The following CLVS2 variants were observed in gnomAD, a reference collection of about 807,000 sequenced individuals.
The protein encoded by CLVS2 is clavesin-2.
A neutral mutation model predicts 29.0 loss-of-function variants in CLVS2; 19 were observed. That is an observed-to-expected ratio of 0.66 (90% CI 0.46 to 0.96). The LOEUF (loss-of-function observed/expected upper bound fraction) is 0.96. Among genes scored for constraint, CLVS2 ranks in the 40% least tolerant of loss-of-function variants. The pLI, the probability that CLVS2 is intolerant of heterozygous loss-of-function variation, is 0.00. For synonymous variants in CLVS2, 161 were observed against 151.3 expected (o/e 1.06, Z -0.47); for missense variants, 294 against 404.1 (o/e 0.73, Z 2.34).
rs1439509027 is a variant in CLVS2 at position 123,066,608 on chromosome 6, G to T, written c.*2847G>T. 6.6e-6 allele frequency: 1 copy of T among 151,624 alleles called. No homozygotes were observed. Among genetic ancestry groups the T allele is most frequent in the East Asian group, 1.9e-4 (1 of 5,186 alleles). 9.4% of individuals were successfully genotyped at this position (151,624 alleles called of 1,614,324 possible). The stretch of plus-strand genomic sequence containing the variant: ...TATTTCAGGGGCAGGTGATTCCAAA[G>T]CTGGTTTAAAAATAAATAACTTCTC... On this transcript the variant is annotated 3_prime_UTR_variant, in exon 6 of 6. Transcript: ENST00000275162.
At chr6:123,021,479 C>T (rs890414749) in intron 3 of CLVS2, among the ~76,000 whole-genome samples, 1 of 151,870 alleles carries the variant, frequency 6.6e-6, no homozygotes, top group Non-Finnish European at 1.5e-5. Context: ...GTTTCTATAG[C>T]ATGGATTTTG....
intron 3 of CLVS2, 69 bp downstream of exon 3, chr6:123,011,228 T>A: frequency 8.4e-7 from 1 of 1,193,232 alleles, no homozygotes; most frequent in Non-Finnish European, 1.1e-6. Flanking sequence ...TGTGTTAGAA[T>A]GAAAAAATGT....
chr6:123,005,395 A>C (rs1774652888), intron 2 of CLVS2, among the ~76,000 whole-genome samples: 1 of 152,074 alleles, frequency 6.6e-6, no homozygotes, highest in Admixed American at 6.5e-5. Context: ...TTCAGACATT[A>C]GAAAATGTGG....
At chr6:123,033,775 A>G (rs558953373) in intron 3 of CLVS2, among the ~76,000 whole-genome samples, 1 of 152,244 alleles carries the variant, frequency 6.6e-6, no homozygotes, top group East Asian at 1.9e-4. Flanking sequence ...GGATGAAAAG[A>G]TAAGCCACCG....
intron 5 of CLVS2, among the ~76,000 whole-genome samples, chr6:123,058,898 T>A (rs543057271): frequency 6.6e-6 from 1 of 152,282 alleles, no homozygotes; most frequent in South Asian, 2.1e-4. Context: ...CCTCAAGTGA[T>A]CCACCTGCCT....
chr6:123,043,273 T>A (rs927616721), intron 3 of CLVS2, among the ~76,000 whole-genome samples: 4 of 152,226 alleles, frequency 2.6e-5, no homozygotes, highest in Non-Finnish European at 5.9e-5. Flanking sequence ...ATGAATGATT[T>A]TTTTAAATTA....
chr6:123,022,745 G>A (rs1200153110), intron 3 of CLVS2, among the ~76,000 whole-genome samples: 1 of 151,960 alleles, frequency 6.6e-6, no homozygotes, highest in Non-Finnish European at 1.5e-5. Flanking sequence ...ATTTGTAGCT[G>A]GATAGTGATG....
chr6:123,049,958 G>T (rs565944802), intron 4 of CLVS2, among the ~76,000 whole-genome samples: 2 of 152,186 alleles, frequency 1.3e-5, no homozygotes, highest in East Asian at 3.9e-4. Flanking sequence ...TTTTAAAAAA[G>T]TGCAATAATT....
Position 123,007,936 on chromosome 6 carries a change from TA to T in CLVS2, c.390-3048del, listed in dbSNP as rs555964498. Among the ~76,000 whole-genome samples, 605 of 152,280 alleles carry T rather than the reference TA, an allele frequency of 4.0e-3. 3 individuals are homozygous for T. The highest frequency in any genetic ancestry group is 6.2e-3 in the Non-Finnish European group (423 of 68,020). ...TTGTAGTGACCTCTAATTTGTAAATTATAACAGTTAAAATAATTTTAAAAAG... is the reference window on the plus strand; with the variant it reads ...TTGTAGTGACCTCTAATTTGTAAATTTAACAGTTAAAATAATTTTAAAAAG... On this transcript the variant is annotated intron_variant, in intron 2 of 5. Coordinates refer to ENST00000275162, the MANE Select transcript of CLVS2 (RefSeq NM_001010852.4).
In CLVS2 at chr6:123,063,785, G is replaced by A; in HGVS notation, c.*24G>A. On this transcript the variant is annotated 3_prime_UTR_variant, in exon 6 of 6. Coordinates refer to ENST00000275162, the MANE Select transcript of CLVS2 (RefSeq NM_001010852.4). ...AATAACTTCTCTACATCCCCTTCAT[G>A]GATTAGAAATGGAAAGTATTGGTTT... 1 of 1,491,324 alleles carries A rather than the reference G, an allele frequency of 6.7e-7. No homozygotes were observed. Among genetic ancestry groups the A allele is most frequent in the Non-Finnish European group, 9.3e-7 (1 of 1,069,682 alleles). The allele number at this position is 1,491,324 out of a possible 1,614,324, so 92.4% of individuals were successfully genotyped here.
Position 123,033,511 on chromosome 6 carries a change from C to T in CLVS2, c.565-15111C>T, listed in dbSNP as rs1413267596. On this transcript the variant is annotated intron_variant, in intron 3 of 5. Coordinates refer to ENST00000275162, the MANE Select transcript of CLVS2 (RefSeq NM_001010852.4). ...CTGGAAGTAATTGGAAAAGCACAGG[C>T]AAATGAAACAAAAGAACCTCAACTT... Among the ~76,000 whole-genome samples, 3 of 151,978 alleles carry T rather than the reference C, an allele frequency of 2.0e-5. No individual in the cohort carries two copies. The East Asian group carries it at 5.8e-4, about 29-fold the overall frequency.
intron 3 of CLVS2, among the ~76,000 whole-genome samples, chr6:123,043,719 C>G (rs892497869): frequency 1.3e-5 from 2 of 152,038 alleles, no homozygotes; most frequent in African/African-American, 4.8e-5. Context: ...TCATTTGGAG[C>G]CATAAACTGT....
At chr6:123,021,616 T>C (rs1349396799) in intron 3 of CLVS2, among the ~76,000 whole-genome samples, 2 of 152,094 alleles carry the variant, frequency 1.3e-5, no homozygotes, top group Admixed American at 1.3e-4. Flanking sequence ...TAAGTAATAA[T>C]GCAAAGAGAT....
intron 2 of CLVS2, 60 bp from the exon 3 acceptor site, chr6:123,010,925 T>G: frequency 2.6e-6 from 3 of 1,142,282 alleles, no homozygotes; most frequent in Non-Finnish European, 3.5e-6. Flanking sequence ...AGAAAATATT[T>G]TATAGCTTTT....
chr6:123,011,259 A>G (rs1427018112), intron 3 of CLVS2, 100 bp downstream of exon 3: 7 of 877,722 alleles, frequency 8.0e-6, no homozygotes, highest in Middle Eastern at 2.5e-4. Context: ...GAATAACAAA[A>G]ACAAAAAAAA....
intron 2 of CLVS2, among the ~76,000 whole-genome samples, chr6:123,009,411 A>T (rs1457205381): frequency 2.6e-5 from 4 of 152,116 alleles, no homozygotes; most frequent in African/African-American, 9.7e-5. Flanking sequence ...AGGTGAAGAA[A>T]TGAGGTCCTG....
At chr6:123,001,702 A>C (rs1331194072) in intron 2 of CLVS2, among the ~76,000 whole-genome samples, 1 of 152,206 alleles carries the variant, frequency 6.6e-6, no homozygotes, top group Non-Finnish European at 1.5e-5. Flanking sequence ...CTCAGCAAAT[A>C]CCTTCAAATG....
chr6:122,997,715 C>T lies in CLVS2; in HGVS notation c.-63C>T, dbSNP rs1774531250. Reference sequence around the variant, plus strand: ...GGCTGGAGTCTGGTGGTGGCAAGGACCAGGTTTGCTTTGGGACAGTCAACA... The same window carrying T: ...GGCTGGAGTCTGGTGGTGGCAAGGATCAGGTTTGCTTTGGGACAGTCAACA... On this transcript the variant is annotated 5_prime_UTR_variant, in exon 2 of 6. Coordinates refer to ENST00000275162, the MANE Select transcript of CLVS2 (RefSeq NM_001010852.4). The T allele has an allele frequency of 6.5e-7, 1 of 1,547,084 alleles. No individual in the cohort carries two copies. Among genetic ancestry groups the T allele is most frequent in the South Asian group, 1.2e-5 (1 of 82,130 alleles).
chr6:123,005,503 C>T (rs960507365), intron 2 of CLVS2, among the ~76,000 whole-genome samples: 18 of 152,100 alleles, frequency 1.2e-4, no homozygotes, highest in Non-Finnish European at 2.6e-4. Flanking sequence ...TTATGCTGCT[C>T]AGTGCGATGC....
Sources: allele counts gnomAD v4.1 joint callset (sites outside exome capture counted in the v4.1 genomes callset), GRCh38; gene constraint gnomAD v4.1.1; transcripts MANE v1.5; gene names NCBI Gene and HGNC (gene_info 2026-07-23, HGNC 2026-07-21).